The following RAG1 variants were observed in gnomAD, a reference collection of about 807,000 sequenced individuals.
RAG1 encodes the protein recombination activating 1, also known as V(D)J recombination-activating protein 1.
A neutral mutation model predicts 62.7 loss-of-function variants in RAG1; 35 were observed. The ratio of observed to expected loss-of-function variants is 0.56; its 90% confidence interval spans 0.43 to 0.74. The LOEUF (loss-of-function observed/expected upper bound fraction) is 0.74. RAG1 is among the 30% of genes least tolerant of loss of function. The probability of loss-of-function intolerance (pLI) is 0.00; values close to 1 mark genes in which losing one functional copy is unlikely to be tolerated. For synonymous variants in RAG1, 461 were observed against 470.3 expected, an observed-to-expected ratio of 0.98 and a Z score of 0.26; for missense variants, 1,169 against 1,278.6, an observed-to-expected ratio of 0.91 and a Z score of 1.31.
In RAG1 at chr11:36,547,714, C is replaced by A. The variant is rs182323783; in HGVS notation, c.-412+11680C>A. Among the ~76,000 whole-genome samples the A allele has an allele frequency of 5.3e-5, 8 of 152,298 alleles. No individual in the cohort carries two copies. In the East Asian group the frequency reaches 1.5e-3, roughly 29 times the overall value. ...CAGAGGTACAAAGAGGAGCTGGTGT[C>A]ATTCCTTCTGAAACTATTCCAAACA... On this transcript the variant is annotated intron_variant and NMD_transcript_variant, in intron 3 of 9. Coordinates refer to the RAG1 transcript ENST00000534663.
intron 1 of RAG1, among the ~76,000 whole-genome samples, chr11:36,572,240 C>G (rs935716728): frequency 2.0e-5 from 3 of 152,304 alleles, no homozygotes; most frequent in East Asian, 3.9e-4. Context: ...TACAGCTGCT[C>G]TCTTTCCAAT....
Position 36,575,096 on chromosome 11 carries a change from G to T in RAG1, c.1792G>T (p.Val598Leu), listed in dbSNP as rs1024345971. 3.1e-6 allele frequency: 5 copies of T among 1,614,066 alleles called. No homozygotes were observed. The African/African-American group carries it at 5.3e-5, about 17-fold the overall frequency. The change falls in exon 2 of 2, where the codon GTG becomes TTG. Residue 598 changes from valine (V) to leucine (L), a missense_variant. Transcript: ENST00000299440. The surrounding 1 kb of genome is among the most constrained non-coding windows in gnomAD (Gnocchi z 4.1). Reference sequence around the variant, plus strand: ...CCTGAATGGCCCCTTCACTGTGGTGGTGAAGGAGTCTTGTGATGGAATGGG... The same window carrying T: ...CCTGAATGGCCCCTTCACTGTGGTGTTGAAGGAGTCTTGTGATGGAATGGG... The part of the protein sequence containing the change: ...DYLNGPFTVV[V>L]KESCDGMGDV...
At chr11:36,558,691 A>G (rs534801837) in intron 3 of RAG1, among the ~76,000 whole-genome samples, 1 of 152,278 alleles carries the variant, frequency 6.6e-6, no homozygotes, top group African/African-American at 2.4e-5. Context: ...TAGATAGCAC[A>G]TGGTTATGTC....
intron 3 of RAG1, among the ~76,000 whole-genome samples, chr11:36,547,308 C>T (rs1166644757): frequency 6.6e-6 from 1 of 151,288 alleles, no homozygotes; most frequent in African/African-American, 2.4e-5. Context: ...TAGAGACACA[C>T]AAACTCTAAA....
chr11:36,568,307 A>C (rs924783569), intron 1 of RAG1, among the ~76,000 whole-genome samples, 185 bp downstream of exon 1: 2 of 152,206 alleles, frequency 1.3e-5, no homozygotes, highest in African/African-American at 4.8e-5. Context: ...GGGCCACTGA[A>C]GGTTCATAGA....
chr11:36,567,867 T>A (rs942781733), upstream of RAG1, among the ~76,000 whole-genome samples: 1 of 152,156 alleles, frequency 6.6e-6, no homozygotes, highest in Non-Finnish European at 1.5e-5. Flanking sequence ...TGAGCTAAGC[T>A]TCCTAAAGAG....
upstream of RAG1, chr11:36,566,623 T>C (rs1446038415): frequency 6.6e-6 from 1 of 152,252 alleles, no homozygotes; most frequent in Non-Finnish European, 1.5e-5. Context: ...CTGTTGAACA[T>C]GAACACTGTC....
intron 3 of RAG1, among the ~76,000 whole-genome samples, chr11:36,543,125 G>T (rs1034276793): frequency 1.3e-5 from 2 of 152,120 alleles, no homozygotes; most frequent in Admixed American, 6.5e-5. Context: ...CTCAGGGATG[G>T]CAGATAGGGA....
At chr11:36,536,919 C>T (rs867227067), downstream of RAG1, among the ~76,000 whole-genome samples, 84 of 148,264 alleles carry the variant, frequency 5.7e-4, 3 homozygotes, top group Admixed American at 1.2e-3. Flanking sequence ...CCACCACGCC[C>T]GGCTAATTTT....
intron 3 of RAG1, among the ~76,000 whole-genome samples, chr11:36,559,974 G>A (rs1371529891): frequency 4.6e-5 from 7 of 152,120 alleles, no homozygotes. Flanking sequence ...GCATCTGCTG[G>A]AGCAGTTGCC....
chr11:36,574,817 G>A lies in RAG1; in HGVS notation c.1513G>A (p.Ala505Thr), dbSNP rs1255271221. Reference protein sequence around the residue: ...TGRQIFQPLHALRNAEKVLLP... With the variant: ...TGRQIFQPLHTLRNAEKVLLP... ...GAGACAGATTTTTCAGCCTTTGCAT[G>A]CCCTTCGGAATGCTGAGAAGGTACT... Residue 505 changes from alanine (A) to threonine (T), a missense_variant, in exon 2 of 2, where the codon GCC becomes ACC. Transcript: ENST00000299440. 1 of 1,614,110 alleles carries A rather than the reference G, an allele frequency of 6.2e-7. No homozygotes were observed. Among genetic ancestry groups the A allele is most frequent in the Non-Finnish European group, 8.5e-7 (1 of 1,180,062 alleles).
intron 3 of RAG1, among the ~76,000 whole-genome samples, chr11:36,550,892 A>G (rs894704230): frequency 6.6e-6 from 1 of 152,134 alleles, no homozygotes; most frequent in Non-Finnish European, 1.5e-5. Context: ...TCATGTGACT[A>G]ACCCTGGATC....
At chr11:36,543,732 A>T (rs1457878048) in intron 3 of RAG1, among the ~76,000 whole-genome samples, 2 of 152,176 alleles carry the variant, frequency 1.3e-5, no homozygotes, top group East Asian at 3.9e-4. Context: ...GAATACACTA[A>T]ATTCAGAAGG....
At position 36,546,361 on chromosome 11, in the gene RAG1, G is replaced by A. The variant is rs191200042; in HGVS notation, c.-412+10327G>A. Among the ~76,000 whole-genome samples the A allele has an allele frequency of 1.2e-4, 18 of 152,134 alleles. No individual in the cohort carries two copies. In the East Asian group the frequency reaches 2.1e-3, roughly 18 times the overall value. The stretch of plus-strand genomic sequence containing the variant: ...TTCTTTGTATTTTTTGATCTTTGTC[G>A]GTTTAAAGTCTGTTTTATTAGAGAC... On this transcript the variant is annotated intron_variant and NMD_transcript_variant, in intron 3 of 9. Coordinates refer to the RAG1 transcript ENST00000534663.
intron 3 of RAG1, among the ~76,000 whole-genome samples, chr11:36,544,514 T>G (rs1564980995): frequency 6.6e-6 from 1 of 152,220 alleles, no homozygotes; most frequent in Non-Finnish European, 1.5e-5. Context: ...TGTGCATCTT[T>G]CCAGAGATAT....
intron 1 of RAG1, among the ~76,000 whole-genome samples, chr11:36,570,317 A>G (rs1471733869): frequency 6.6e-6 from 1 of 152,236 alleles, no homozygotes; most frequent in African/African-American, 2.4e-5. Context: ...GCCTTCATTA[A>G]TGCTGAACCA....
intron 1 of RAG1, among the ~76,000 whole-genome samples, chr11:36,516,654 C>G (rs1177833185): frequency 6.6e-6 from 1 of 152,214 alleles, no homozygotes. Flanking sequence ...AGCTAAAAGT[C>G]AGATTAATTC....
At chr11:36,526,418 C>CT (rs1860163795) in intron 2 of RAG1, among the ~76,000 whole-genome samples, 1 of 152,000 alleles carries the variant, frequency 6.6e-6, no homozygotes, top group South Asian at 2.1e-4. Flanking sequence ...TGAACTCATC[C>CT]TTTTTTATGG....
intron 1 of RAG1, among the ~76,000 whole-genome samples, chr11:36,519,712 G>T (rs1860048675): frequency 6.6e-6 from 1 of 152,126 alleles, no homozygotes; most frequent in Non-Finnish European, 1.5e-5. Flanking sequence ...GTATCAGTTT[G>T]TGTTCCATCT....
Sources: allele counts gnomAD v4.1 joint callset (sites outside exome capture counted in the v4.1 genomes callset), GRCh38; gene constraint gnomAD v4.1.1; non-coding constraint Gnocchi (gnomAD v3.1); transcripts MANE v1.5; gene names NCBI Gene and HGNC (gene_info 2026-07-23, HGNC 2026-07-21).